NF1: variants seen among roughly 807,000 people sequenced by gnomAD.
The protein encoded by NF1 is neurofibromin 1.
Under a neutral mutation model 325.7 loss-of-function variants are expected in NF1, and 122 were observed. The ratio of observed to expected loss-of-function variants is 0.37; its 90% CI spans 0.32 to 0.44. NF1 has a LOEUF of 0.44. Among genes scored for constraint, NF1 ranks in the 20% least tolerant of loss-of-function variants. The probability of loss-of-function intolerance (pLI) is 1.00; values close to 1 mark genes in which losing one functional copy is unlikely to be tolerated. For missense variants in NF1, 2,140 were observed against 3,415.4 expected, an observed-to-expected ratio of 0.63 and a Z score of 9.31; for synonymous variants, 1,091 against 1,186.0, an observed-to-expected ratio of 0.92 and a Z score of 1.65.
rs1344233963 is a variant in NF1, at chr17:31,094,998, C to T, written c.-312C>T. ...TCCCACTTCCGGTGGGGTGTCATGG[C>T]GGCGTCTCGGACTGTGATGGCTGTG... is the stretch of plus-strand genomic sequence containing the variant. On this transcript the variant is annotated 5_prime_UTR_variant, in exon 1 of 58. Transcript: ENST00000358273. The T allele has an allele frequency of 3.7e-6, 2 of 540,924 alleles. No homozygotes were observed. Among genetic ancestry groups the T allele is most frequent in the Non-Finnish European group, 6.6e-6 (2 of 304,490 alleles). The allele number at this position is 540,924 out of a possible 1,614,324, so 33.5% of individuals were successfully genotyped here. A position where few individuals can be genotyped will look rare whatever the true frequency, so the allele number is the denominator to read the frequency against.
chr17:31,212,039 T>C (rs2066737333), intron 12 of NF1, among the ~76,000 whole-genome samples: 1 of 152,166 alleles, frequency 6.6e-6, no homozygotes, highest in Non-Finnish European at 1.5e-5. Flanking sequence ...AATTTTTTAA[T>C]TTTTTGACTT....
At chr17:31,195,443 G>A (rs368145217) in intron 8 of NF1, among the ~76,000 whole-genome samples, 1 of 152,086 alleles carries the variant, frequency 6.6e-6, no homozygotes, top group African/African-American at 2.4e-5. Flanking sequence ...ATACAGTTTA[G>A]TAGCACTATC....
intron 57 of NF1, among the ~76,000 whole-genome samples, chr17:31,369,930 A>C (rs898274024): frequency 6.6e-6 from 1 of 152,238 alleles, no homozygotes; most frequent in Admixed American, 6.5e-5. Flanking sequence ...AGAACTAGAT[A>C]CTATGATCAT....
intron 56 of NF1, 105 bp from the exon 57 acceptor site, chr17:31,360,382 A>C (rs2070370554): frequency 1.0e-6 from 1 of 957,190 alleles, no homozygotes; most frequent in Non-Finnish European, 1.6e-6. Flanking sequence ...AATACAAAGG[A>C]AGAAAAATAG....
intron 50 of NF1, among the ~76,000 whole-genome samples, chr17:31,351,973 C>A (rs970901020): frequency 4.6e-5 from 7 of 151,918 alleles, no homozygotes; most frequent in Admixed American, 1.3e-4. Context: ...AGATTGGACA[C>A]CCCTGTTGCT....
At chr17:31,255,903 A>C (rs1165151750) in intron 31 of NF1, among the ~76,000 whole-genome samples, 1 of 152,166 alleles carries the variant, frequency 6.6e-6, no homozygotes, top group Non-Finnish European at 1.5e-5. Flanking sequence ...AAAGCTCTCC[A>C]TGTGTTTCAC....
chr17:31,259,414 A>G (rs1207175930), intron 33 of NF1, among the ~76,000 whole-genome samples: 1 of 152,186 alleles, frequency 6.6e-6, no homozygotes, highest in African/African-American at 2.4e-5. Context: ...TATGTGGACA[A>G]GGAAGAAGTA....
In NF1 at chr17:31,357,013, G is replaced by A. The variant is rs2151582315; in HGVS notation, c.7792G>A (p.Val2598Met). The change falls in exon 53 of 58, where the codon GTG becomes ATG. Residue 2598 changes from valine to methionine, a missense_variant. Physicochemically the swap from Val to Met is conservative, Grantham distance 21 (BLOSUM62 1). Around this residue, in one of 10 missense-constraint regions of NF1, gnomAD observed 522 missense variants for 749.0 expected, o/e 0.70. Coordinates refer to ENST00000358273, the MANE Select transcript of NF1 (RefSeq NM_001042492.3). ...QQHPHLRKVS[V>M]SESNVLLDEE... ...GCACCCACATTTACGTAAAGTTTCA[G>A]TGTCTGAATCAAATGTTCTCTTGGA... 1.2e-6 allele frequency: 2 copies of A among 1,613,950 alleles called. No individual in the cohort carries two copies. The highest frequency in any genetic ancestry group is 1.7e-6 in the Non-Finnish European group (2 of 1,179,944).
intron 1 of NF1, among the ~76,000 whole-genome samples, chr17:31,111,110 A>T (rs1913371196): frequency 6.6e-6 from 1 of 152,060 alleles, no homozygotes; most frequent in Admixed American, 6.6e-5. Context: ...ATTAATCTGA[A>T]ATTAATTATT....
intron 1 of NF1, among the ~76,000 whole-genome samples, chr17:31,149,291 TACACAC>T (rs796806933): frequency 2.0e-5 from 3 of 147,198 alleles, no homozygotes; most frequent in Non-Finnish European, 4.5e-5. Context: ...CACACACACA[TACACAC>T]ACACACACAC....
intron 48 of NF1, chr17:31,345,682 A>C (rs1351137244): frequency 6.2e-7 from 1 of 1,614,142 alleles, no homozygotes; most frequent in African/African-American, 1.3e-5. Context: ...GAGATGGCAA[A>C]GCAGTATATA....
At chr17:31,316,164 G>C (rs1377563401) in intron 36 of NF1, among the ~76,000 whole-genome samples, 2 of 152,182 alleles carry the variant, frequency 1.3e-5, no homozygotes, top group Non-Finnish European at 2.9e-5. Context: ...ATAGGTGTAA[G>C]CCACTGTGCC....
At chr17:31,296,341 GAAAC>G (rs2068464203) in intron 36 of NF1, 1 of 1,613,922 alleles carries the variant, frequency 6.2e-7, no homozygotes, top group Non-Finnish European at 8.5e-7. Flanking sequence ...TCAAAGCCTA[GAAAC>G]AAACAGATAC....
At chr17:31,248,459 A>G (rs1407048956) in intron 29 of NF1, among the ~76,000 whole-genome samples, 1 of 152,104 alleles carries the variant, frequency 6.6e-6, no homozygotes, top group Non-Finnish European at 1.5e-5. Flanking sequence ...ACACAAATTA[A>G]AGTTAATAAT....
chr17:31,372,767 G>T (rs560223518), intron 57 of NF1, among the ~76,000 whole-genome samples: 2 of 152,260 alleles, frequency 1.3e-5, no homozygotes, highest in South Asian at 4.2e-4. Context: ...TGTAATCCCA[G>T]AACTTTGAGA....
In NF1 at chr17:31,327,558, A is replaced by G. The variant is rs759639187; in HGVS notation, c.5328A>G (p.Ser1776=). The G allele has an allele frequency of 2.5e-6, 4 of 1,614,224 alleles. No homozygotes were observed. Among genetic ancestry groups the G allele is most frequent in the Admixed American group, 3.3e-5 (2 of 60,026 alleles). The change falls in exon 38 of 58, where the codon TCA becomes TCG. Residue 1776 remains serine, a synonymous_variant. Coordinates refer to ENST00000358273, the MANE Select transcript of NF1 (RefSeq NM_001042492.3). ...AGCGAACAAAAGTCCTAGGGCAATC[A>G]GTCTTTCTAAATGACATTTATTATG... is the stretch of plus-strand genomic sequence containing the variant. ...SAERTKVLGQ[S]VFLNDIYYAS...
intron 1 of NF1, among the ~76,000 whole-genome samples, chr17:31,098,627 T>C (rs1178614554): frequency 6.6e-6 from 1 of 152,140 alleles, no homozygotes; most frequent in Non-Finnish European, 1.5e-5. Context: ...TACTGAGAGA[T>C]AGTTGTATAA....
chr17:31,320,766 G>A (rs1170600237), intron 36 of NF1, among the ~76,000 whole-genome samples: 2 of 152,084 alleles, frequency 1.3e-5, no homozygotes, highest in Admixed American at 1.3e-4. Context: ...ATAAATCTTT[G>A]GATATTTCAT....
chr17:31,327,279 C>A (rs772980493), intron 37 of NF1, among the ~76,000 whole-genome samples: 5 of 152,024 alleles, frequency 3.3e-5, no homozygotes, highest in Admixed American at 1.3e-4. Flanking sequence ...AGATTCTTGA[C>A]CTTTTTAAAA....
Sources: gnomAD v4.1 joint callset for allele counts (sites outside exome capture counted in the v4.1 genomes callset) on GRCh38, gnomAD v4.1.1 for gene constraint, gnomAD v4.1.1 regional missense constraint, MANE v1.5 for transcripts, NCBI Gene and HGNC (gene_info 2026-07-23, HGNC 2026-07-21) for gene names.